The following KANTR variants were observed in gnomAD, a reference collection of about 807,000 sequenced individuals.
KANTR encodes the protein KANTR integral membrane protein, also known as KDM5C adjacent transcript.
intron 2 of KANTR, among the ~76,000 whole-genome samples, chrX:53,133,146 T>C (rs1427476109): frequency 9.1e-6 from 1 of 109,647 alleles, no homozygotes; most frequent in East Asian, 2.9e-4. Context: ...GGCGGGAAGA[T>C]TGCTTGAGCC....
chrX:53,143,155 A>T, downstream of KANTR: 1 of 979,557 alleles, frequency 1.0e-6, no homozygotes. Context: ...CAGACACCAG[A>T]ACCACTTGTT....
intron 2 of KANTR, among the ~76,000 whole-genome samples, chrX:53,103,981 T>A (rs782293687): frequency 5.4e-5 from 6 of 110,820 alleles, no homozygotes; most frequent in Non-Finnish European, 1.1e-4. Flanking sequence ...TTCTATTACT[T>A]CTTCCATCTT....
chrX:53,105,266 G>C (rs1407156293), intron 2 of KANTR, among the ~76,000 whole-genome samples: 1 of 111,712 alleles, frequency 9.0e-6, no homozygotes, highest in East Asian at 2.8e-4. Flanking sequence ...GAAGGTTCCA[G>C]TTTCTCCATA....
In KANTR at chrX:53,113,707, G is replaced by A. The variant is rs868944024; in HGVS notation, c.-804-9762G>A. Among the ~76,000 whole-genome samples the A allele has an allele frequency of 1.0e-4, 11 of 105,726 alleles. 1 individual carries two copies. The highest frequency in any genetic ancestry group is 8.8e-3 in the Middle Eastern group (2 of 226). The allele number at this position is 105,726 out of a possible 115,157, so 91.8% of individuals were successfully genotyped here. On this transcript the variant is annotated intron_variant, in intron 2 of 2. Transcript: ENST00000604062. ...CTATTCTCATGCCTCAGCCTCCCGAGTAGCTGGGATTACAGGCGCATGCCA... is the reference window on the plus strand; with the variant it reads ...CTATTCTCATGCCTCAGCCTCCCGAATAGCTGGGATTACAGGCGCATGCCA...
chrX:53,143,480 G>A, downstream of KANTR: 2 of 591,257 alleles, frequency 3.4e-6, no homozygotes, highest in South Asian at 2.2e-5. Flanking sequence ...GATGCGCCCA[G>A]AGGCTTAGAG....
intron 2 of KANTR, among the ~76,000 whole-genome samples, chrX:53,110,295 G>A (rs1273474917): frequency 1.8e-5 from 2 of 110,860 alleles, no homozygotes; most frequent in Non-Finnish European, 3.8e-5. Flanking sequence ...TGTTATATAT[G>A]GTATTTATTA....
intron 2 of KANTR, among the ~76,000 whole-genome samples, chrX:53,114,011 G>A (rs1933085094): frequency 9.0e-6 from 1 of 111,049 alleles, no homozygotes; most frequent in Non-Finnish European, 1.9e-5. Flanking sequence ...TGACCCTCCT[G>A]CCTCAGCCTT....
At chrX:53,134,860 A>C (rs1006557426) in intron 2 of KANTR, among the ~76,000 whole-genome samples, 1 of 112,006 alleles carries the variant, frequency 8.9e-6, no homozygotes. Flanking sequence ...TCAAAGGAAA[A>C]ATAAATACTG....
At chrX:53,120,994 TTTTTTGTTTG>T (rs1329880135) in intron 2 of KANTR, among the ~76,000 whole-genome samples, 1 of 108,594 alleles carries the variant, frequency 9.2e-6, no homozygotes, top group East Asian at 2.9e-4. Flanking sequence ...GGTGTTGTTT[TTTTTTGTTTG>T]TTTTTGTTTT....
downstream of KANTR, chrX:53,143,169 G>A (rs1373382147): frequency 7.8e-6 from 7 of 894,631 alleles, no homozygotes; most frequent in East Asian, 9.4e-5. Flanking sequence ...ACTTGTTGCC[G>A]ATGGTGATGA....
downstream of KANTR, chrX:53,143,883 CAAT>C: frequency 2.3e-6 from 1 of 441,804 alleles, no homozygotes; most frequent in Non-Finnish European, 4.2e-6. Flanking sequence ...GAGCCATTGT[CAAT>C]GATGAGCGCG....
At chrX:53,110,373 C>A (rs1396954074) in intron 2 of KANTR, among the ~76,000 whole-genome samples, 1 of 111,464 alleles carries the variant, frequency 9.0e-6, no homozygotes, top group East Asian at 2.8e-4. Flanking sequence ...TGAATTTTGC[C>A]AAATGCTTTT....
chrX:53,118,141 T>G (rs1407337835), intron 2 of KANTR, among the ~76,000 whole-genome samples: 1 of 111,473 alleles, frequency 9.0e-6, no homozygotes, highest in East Asian at 2.8e-4. Context: ...CTGGAACATA[T>G]GCACACCCAT....
At chrX:53,123,173 C>T (rs782688954) in intron 2 of KANTR, among the ~76,000 whole-genome samples, 1 of 103,115 alleles carries the variant, frequency 9.7e-6, no homozygotes, top group South Asian at 4.6e-4. Flanking sequence ...AAATCCTGAG[C>T]AAGACTTTTT....
chrX:53,144,824 T>G (rs782352363), downstream of KANTR, among the ~76,000 whole-genome samples: 2 of 112,094 alleles, frequency 1.8e-5, no homozygotes, highest in African/African-American at 3.2e-5. Flanking sequence ...GATCAGCCAG[T>G]GTCCCTTACA....
At chrX:53,099,057 C>T (rs979488782) in intron 1 of KANTR, among the ~76,000 whole-genome samples, 1 of 110,480 alleles carries the variant, frequency 9.1e-6, no homozygotes, top group Non-Finnish European at 1.9e-5. Flanking sequence ...GAGACAGGGT[C>T]TCACTTTGTT....
chrX:53,140,630 T>G (rs781934015), intron 2 of KANTR, among the ~76,000 whole-genome samples: 1 of 110,398 alleles, frequency 9.1e-6, no homozygotes, highest in Non-Finnish European at 1.9e-5. Context: ...CATCACACAT[T>G]AAGCACAAAA....
intron 2 of KANTR, among the ~76,000 whole-genome samples, chrX:53,140,881 G>T (rs1390153291): frequency 2.7e-5 from 3 of 112,241 alleles, no homozygotes; most frequent in Non-Finnish European, 3.8e-5. Flanking sequence ...TATTTTGAAG[G>T]CCAGGCGTGG....
At chrX:53,129,325 G>A (rs1266454147), downstream of KANTR, among the ~76,000 whole-genome samples, 3 of 106,932 alleles carry the variant, frequency 2.8e-5, no homozygotes, top group Non-Finnish European at 3.9e-5. Flanking sequence ...TCCTGACCTC[G>A]TGATCCGCCT....
Sources: allele counts gnomAD v4.1 joint callset (sites outside exome capture counted in the v4.1 genomes callset), GRCh38; gene constraint gnomAD v4.1.1; transcripts MANE v1.5; gene names NCBI Gene and HGNC (gene_info 2026-07-23, HGNC 2026-07-21).